The following CHIC1 variants were observed in gnomAD, a reference collection of about 807,000 sequenced individuals.
The protein encoded by CHIC1 is cysteine-rich hydrophobic domain-containing protein 1.
In CHIC1, 7 loss-of-function variants were observed where a neutral mutation model predicts 18.5. The observed-to-expected ratio is 0.38, with a 90% CI of 0.22 to 0.71. The LOEUF (loss-of-function observed/expected upper bound fraction) is 0.71. Among genes scored for constraint, CHIC1 ranks in the 30% least tolerant of loss-of-function variants. The pLI is 0.49. For synonymous variants in CHIC1, 77 were observed against 73.5 expected, an observed-to-expected ratio of 1.05 and a Z score of -0.25; for missense variants, 159 against 176.9, an observed-to-expected ratio of 0.90 and a Z score of 0.57.
In CHIC1 at chrX:73,684,045, G is replaced by A. The variant is rs1399316664; in HGVS notation, c.*3040G>A. 8.9e-6 allele frequency: 1 copy of A among 111,784 alleles called. No homozygotes were observed. Among genetic ancestry groups the A allele is most frequent in the Non-Finnish European group, 1.9e-5 (1 of 52,795 alleles). 9.2% of individuals were successfully genotyped at this position (111,784 alleles called of 1,213,427 possible). ...AAGCATAATAAATGAATTGGTAGAT[G>A]ATTAGATTAGAAATCATCCTTTTCA... On this transcript the variant is annotated 3_prime_UTR_variant, in exon 6 of 6. Coordinates refer to ENST00000373502, the MANE Select transcript of CHIC1 (RefSeq NM_001039840.4).
intron 3 of CHIC1, among the ~76,000 whole-genome samples, chrX:73,670,999 G>A (rs1037837373): frequency 2.6e-4 from 29 of 112,086 alleles, no homozygotes; most frequent in African/African-American, 8.8e-4. Flanking sequence ...TGGATGAAAT[G>A]TTTTGTAAAT....
At chrX:73,635,124 T>G (rs1281987745) in intron 3 of CHIC1, among the ~76,000 whole-genome samples, 1 of 111,732 alleles carries the variant, frequency 8.9e-6, no homozygotes, top group Non-Finnish European at 1.9e-5. Context: ...ATGTTTGTTT[T>G]GCATCAATGT....
chrX:73,678,147 G>A (rs182251239), intron 3 of CHIC1, among the ~76,000 whole-genome samples: 37 of 111,774 alleles, frequency 3.3e-4, no homozygotes, highest in Admixed American at 6.6e-4. Flanking sequence ...GGTTCTGCAT[G>A]GGCAGCACAG....
At chrX:73,585,329 T>G (rs1485572780) in intron 3 of CHIC1, among the ~76,000 whole-genome samples, 1 of 111,327 alleles carries the variant, frequency 9.0e-6, no homozygotes, top group Non-Finnish European at 1.9e-5. Context: ...TTTTTTTATC[T>G]CTATTCTTTT....
chrX:73,589,409 CTT>C (rs1416513485), intron 3 of CHIC1, among the ~76,000 whole-genome samples: 2 of 110,230 alleles, frequency 1.8e-5, no homozygotes, highest in Admixed American at 1.9e-4. Flanking sequence ...TTTTCTGTAT[CTT>C]TTTAAGTTAT....
chrX:73,577,203 T>C (rs2057503561), intron 1 of CHIC1, among the ~76,000 whole-genome samples: 1 of 110,636 alleles, frequency 9.0e-6, no homozygotes, highest in South Asian at 3.7e-4. Context: ...GTTTGCTTTT[T>C]GTTAAGCTTT....
intron 3 of CHIC1, among the ~76,000 whole-genome samples, chrX:73,663,034 C>T (rs1317370615): frequency 9.0e-6 from 1 of 111,500 alleles, no homozygotes; most frequent in Non-Finnish European, 1.9e-5. Flanking sequence ...AAATTTTTCT[C>T]TGTCCTGTTC....
rs1421538057 is a variant in CHIC1 at position 73,686,224 on chromosome X, G to A, written c.*5219G>A. 1 of 111,279 alleles carries A rather than the reference G, an allele frequency of 9.0e-6. No homozygotes were observed. Among genetic ancestry groups the A allele is most frequent in the Non-Finnish European group, 1.9e-5 (1 of 52,851 alleles). 9.2% of individuals were successfully genotyped at this position (111,279 alleles called of 1,213,427 possible). ...GGAACCACTTTTATAAAGGAACTAA[G>A]ATTATTTGACCCCCTCCACAGATTG... On this transcript the variant is annotated 3_prime_UTR_variant, in exon 6 of 6. Transcript: ENST00000373502.
chrX:73,668,658 A>G (rs1286901090), intron 3 of CHIC1, among the ~76,000 whole-genome samples: 1 of 111,317 alleles, frequency 9.0e-6, no homozygotes, highest in Non-Finnish European at 1.9e-5. Context: ...CAGTTTTCTC[A>G]TACCTGGAGG....
intron 2 of CHIC1, chrX:73,578,835 A>C (rs1399186072): frequency 9.1e-6 from 1 of 110,113 alleles, no homozygotes; most frequent in African/African-American, 3.3e-5. Flanking sequence ...TCATTTTTAA[A>C]CCATGTGACT....
At chrX:73,657,329 G>C (rs2057955396) in intron 3 of CHIC1, among the ~76,000 whole-genome samples, 1 of 111,265 alleles carries the variant, frequency 9.0e-6, no homozygotes, top group African/African-American at 3.3e-5. Context: ...AAAGTGCTGG[G>C]ATTACAGGCG....
At chrX:73,627,240 C>T (rs1157217565) in intron 3 of CHIC1, among the ~76,000 whole-genome samples, 5 of 111,505 alleles carry the variant, frequency 4.5e-5, no homozygotes, top group African/African-American at 1.6e-4. Flanking sequence ...ATCACTATGA[C>T]TGTGCTTCGT....
chrX:73,574,420 A>G (rs1211281120), intron 1 of CHIC1, among the ~76,000 whole-genome samples: 1 of 110,429 alleles, frequency 9.1e-6, no homozygotes, highest in Non-Finnish European at 1.9e-5. Flanking sequence ...AGCTTTTCCT[A>G]TAAGGATGAT....
At chrX:73,663,719 G>A (rs1343632752) in intron 3 of CHIC1, among the ~76,000 whole-genome samples, 1 of 110,971 alleles carries the variant, frequency 9.0e-6, no homozygotes, top group South Asian at 3.8e-4. Context: ...GTGATTAATT[G>A]GTTCAGATAT....
At chrX:73,579,491 A>G (rs779938477) in intron 2 of CHIC1, among the ~76,000 whole-genome samples, 2 of 110,321 alleles carry the variant, frequency 1.8e-5, no homozygotes, top group Non-Finnish European at 3.8e-5. Flanking sequence ...TCTTCATCTA[A>G]TTCTAAGAGA....
intron 3 of CHIC1, among the ~76,000 whole-genome samples, chrX:73,587,642 A>G (rs888640389): frequency 1.3e-4 from 14 of 111,549 alleles, no homozygotes; most frequent in Non-Finnish European, 2.3e-4. Flanking sequence ...AAAGCATATG[A>G]TAGAAACAAA....
intron 3 of CHIC1, among the ~76,000 whole-genome samples, chrX:73,647,746 C>T (rs990029868): frequency 8.9e-6 from 1 of 112,492 alleles, no homozygotes; most frequent in African/African-American, 3.2e-5. Context: ...GAAGGCATGG[C>T]CACAGTCTCT....
intron 3 of CHIC1, among the ~76,000 whole-genome samples, chrX:73,617,846 TAAAG>T (rs767798493): frequency 2.1e-4 from 23 of 111,782 alleles, no homozygotes; most frequent in Non-Finnish European, 4.1e-4. Flanking sequence ...ATCAGAGTGT[TAAAG>T]AAATTTGTTG....
At chrX:73,658,212 C>A (rs1255778460) in intron 3 of CHIC1, among the ~76,000 whole-genome samples, 1 of 102,425 alleles carries the variant, frequency 9.8e-6, no homozygotes. Flanking sequence ...CTTCTTTGTA[C>A]CCCTGCTAGA....
Sources: gnomAD v4.1 joint callset for allele counts (sites outside exome capture counted in the v4.1 genomes callset) on GRCh38, gnomAD v4.1.1 for gene constraint, MANE v1.5 for transcripts, NCBI Gene and HGNC (gene_info 2026-07-23, HGNC 2026-07-21) for gene names.